The following SLAIN2 variants were observed in gnomAD, a reference collection of about 807,000 sequenced individuals.
SLAIN2 encodes the protein SLAIN motif-containing protein 2.
A neutral mutation model predicts 56.6 loss-of-function variants in SLAIN2; 31 were observed. The observed-to-expected ratio is 0.55, with a 90% CI of 0.41 to 0.74. The LOEUF (loss-of-function observed/expected upper bound fraction) is 0.74, where lower values mean the gene tolerates loss of function less well. SLAIN2 is among the 30% of genes least tolerant of loss of function. The probability of loss-of-function intolerance (pLI) is 0.00; values close to 1 mark genes in which losing one functional copy is unlikely to be tolerated. For missense variants in SLAIN2, 777 were observed against 754.2 expected, an observed-to-expected ratio of 1.03 and a Z score of -0.35; for synonymous variants, 317 against 284.9, an observed-to-expected ratio of 1.11 and a Z score of -1.13.
intron 1 of SLAIN2, among the ~76,000 whole-genome samples, chr4:48,368,206 AC>A (rs1715576434): frequency 6.6e-6 from 1 of 151,656 alleles, no homozygotes; most frequent in Non-Finnish European, 1.5e-5. Context: ...CCGCCACCAC[AC>A]CTGGCTAATT....
chr4:48,371,116 T>G (rs1577718709), intron 2 of SLAIN2, among the ~76,000 whole-genome samples: 1 of 151,588 alleles, frequency 6.6e-6, no homozygotes, highest in Admixed American at 6.6e-5. Context: ...TTTGTTTTTT[T>G]TTTTTTTGAT....
chr4:48,392,206 T>C (rs1716251788), intron 6 of SLAIN2, among the ~76,000 whole-genome samples: 1 of 152,228 alleles, frequency 6.6e-6, no homozygotes, highest in African/African-American at 2.4e-5. Context: ...GGAAAATCGT[T>C]CATTTCATTC....
intron 6 of SLAIN2, among the ~76,000 whole-genome samples, chr4:48,404,624 C>A (rs539693692): frequency 6.6e-6 from 1 of 152,354 alleles, no homozygotes; most frequent in South Asian, 2.1e-4. Flanking sequence ...TCCAAACACA[C>A]ATTCCTGTTA....
intron 6 of SLAIN2, among the ~76,000 whole-genome samples, chr4:48,393,550 A>G (rs1716288085): frequency 6.6e-6 from 1 of 152,194 alleles, no homozygotes; most frequent in Admixed American, 6.5e-5. Context: ...CACTTGGCCA[A>G]GAAATCTTAA....
chr4:48,382,420 C>T, intron 4 of SLAIN2, 148 bp from the exon 5 acceptor site: 1 of 669,660 alleles, frequency 1.5e-6, no homozygotes, highest in Middle Eastern at 2.9e-4. Context: ...GACATATAAG[C>T]CTATATAAGT....
chr4:48,422,011 A>T lies in SLAIN2; in HGVS notation c.1680A>T (p.Arg560Ser). The change falls in exon 8 of 8, where the codon AGA becomes AGT. Residue 560 changes from arginine to serine, a missense_variant and splice_region_variant. Coordinates refer to ENST00000264313, the MANE Select transcript of SLAIN2 (RefSeq NM_020846.2). ...TAATTACAAAATTGCTTTATTACAG[A>T]TCCTTGCCAGCTCCTAAAACCTATG... ...PRSKLAQPVRRSLPAPKTYGS... is the reference protein window; with the variant it reads ...PRSKLAQPVRSSLPAPKTYGS... 1.2e-6 allele frequency: 2 copies of T among 1,607,320 alleles called. No homozygotes were observed. The highest frequency in any genetic ancestry group is 8.5e-7 in the Non-Finnish European group (1 of 1,176,584).
intron 6 of SLAIN2, among the ~76,000 whole-genome samples, chr4:48,395,922 C>T (rs1716368361): frequency 6.8e-6 from 1 of 146,126 alleles, no homozygotes; most frequent in Non-Finnish European, 1.5e-5. Context: ...TAAACTAGGG[C>T]AGGAGATCAC....
At chr4:48,418,370 G>A (rs1357346881) in intron 6 of SLAIN2, among the ~76,000 whole-genome samples, 1 of 151,972 alleles carries the variant, frequency 6.6e-6, no homozygotes, top group Non-Finnish European at 1.5e-5. Flanking sequence ...TTTCATGACT[G>A]TGTTGAATTT....
chr4:48,361,820 A>G (rs1048070186), intron 1 of SLAIN2, among the ~76,000 whole-genome samples: 6 of 105,718 alleles, frequency 5.7e-5, no homozygotes, highest in Admixed American at 5.4e-4. Context: ...GTATTTTTTC[A>G]TATGTCTTCT....
intron 1 of SLAIN2, among the ~76,000 whole-genome samples, chr4:48,350,511 G>A (rs79657814): frequency 0.019 from 2,962 of 152,238 alleles, 99 homozygotes; most frequent in African/African-American, 0.068. Flanking sequence ...ACTATTCCTT[G>A]TAGTAATTAT....
At chr4:48,375,135 T>C (rs1230570529) in intron 2 of SLAIN2, among the ~76,000 whole-genome samples, 1 of 152,134 alleles carries the variant, frequency 6.6e-6, no homozygotes, top group African/African-American at 2.4e-5. Flanking sequence ...ATAAAAAGGC[T>C]TAGAACTTGG....
intron 1 of SLAIN2, among the ~76,000 whole-genome samples, chr4:48,368,312 T>C (rs1484929767): frequency 3.9e-5 from 6 of 152,104 alleles, no homozygotes; most frequent in African/African-American, 7.2e-5. Context: ...CCACCTGCCT[T>C]GGCCTCCCAA....
At chr4:48,411,603 GT>G (rs3072284) in intron 6 of SLAIN2, among the ~76,000 whole-genome samples, 78,680 of 148,078 alleles carry the variant, frequency 0.53, 21,658 homozygotes, top group South Asian at 0.69. Flanking sequence ...TATCTTCTGA[GT>G]TTTTTTTTTT....
chr4:48,392,826 C>T (rs1257885929), intron 6 of SLAIN2, among the ~76,000 whole-genome samples: 2 of 150,278 alleles, frequency 1.3e-5, no homozygotes, highest in East Asian at 1.9e-4. Flanking sequence ...TTTACTGCCT[C>T]ATTGTCTGTC....
At chr4:48,379,122 G>A (rs1715904286) in intron 3 of SLAIN2, among the ~76,000 whole-genome samples, 2 of 152,042 alleles carry the variant, frequency 1.3e-5, no homozygotes, top group Admixed American at 1.3e-4. Flanking sequence ...CCTCTGGCCT[G>A]TTTTCTGTCT....
intron 6 of SLAIN2, among the ~76,000 whole-genome samples, chr4:48,395,127 A>G (rs1237209828): frequency 6.6e-6 from 1 of 152,198 alleles, no homozygotes; most frequent in African/African-American, 2.4e-5. Context: ...ATGGAGTGGT[A>G]GCTTTCATAA....
At chr4:48,420,602 T>TTTAAGGA in intron 7 of SLAIN2, 159 bp downstream of exon 7, 1 of 865,452 alleles carries the variant, frequency 1.2e-6, no homozygotes, top group South Asian at 1.9e-5. Flanking sequence ...CTACATTGTT[T>TTTAAGGA]TTAAGAAATC....
At chr4:48,356,434 C>A (rs142991341) in intron 1 of SLAIN2, among the ~76,000 whole-genome samples, 3 of 151,568 alleles carry the variant, frequency 2.0e-5, no homozygotes, top group African/African-American at 4.9e-5. Context: ...CTGAAAAGAT[C>A]TGTACTAGTA....
intron 1 of SLAIN2, among the ~76,000 whole-genome samples, chr4:48,355,197 T>C (rs537606363): frequency 3.9e-4 from 59 of 152,286 alleles, no homozygotes; most frequent in Admixed American, 3.3e-3. Context: ...TTCATTGTTA[T>C]ATTTCAGGAA....
Sources: allele counts gnomAD v4.1 joint callset (sites outside exome capture counted in the v4.1 genomes callset), GRCh38; gene constraint gnomAD v4.1.1; transcripts MANE v1.5; gene names NCBI Gene and HGNC (gene_info 2026-07-23, HGNC 2026-07-21).